CFAP54: variants seen among roughly 807,000 people sequenced by gnomAD.
The protein encoded by CFAP54 is cilia- and flagella-associated protein 54.
CFAP54 carries 290 observed loss-of-function variants against 370.4 expected under a neutral mutation model. The observed-to-expected ratio is 0.78, with a 90% CI of 0.71 to 0.86. The LOEUF (loss-of-function observed/expected upper bound fraction) is 0.86. CFAP54 is among the 40% of genes least tolerant of loss of function. The probability of loss-of-function intolerance (pLI) is 0.00; values close to 1 mark genes in which losing one functional copy is unlikely to be tolerated. For synonymous variants in CFAP54, 1,206 were observed against 1,236.5 expected, an observed-to-expected ratio of 0.98 and a Z score of 0.52; for missense variants, 3,399 against 3,528.7, an observed-to-expected ratio of 0.96 and a Z score of 0.93.
chr12:96,686,356 C>T (rs1012079689), intron 42 of CFAP54, among the ~76,000 whole-genome samples: 6 of 152,184 alleles, frequency 3.9e-5, no homozygotes, highest in African/African-American at 1.4e-4. Flanking sequence ...AGCATGTTCA[C>T]AATCTGAGGT....
Position 96,500,944 on chromosome 12 carries a change from G to C in CFAP54, c.423+5G>C. On this transcript the variant is annotated splice_donor_5th_base_variant and intron_variant, in intron 2 of 67. Coordinates refer to ENST00000524981, the MANE Select transcript of CFAP54 (RefSeq NM_001306084.2). Reference sequence around the variant, plus strand: ...GATAGCCTTTGTCAAATGAAAGTAAGTGCCTCTGCAGGAAAGAGCCAAAAA... The same window carrying C: ...GATAGCCTTTGTCAAATGAAAGTAACTGCCTCTGCAGGAAAGAGCCAAAAA... 6.6e-6 allele frequency: 10 copies of C among 1,519,428 alleles called. No individual in the cohort carries two copies. The highest frequency in any genetic ancestry group is 8.8e-6 in the Non-Finnish European group (10 of 1,132,520). The allele number at this position is 1,519,428 out of a possible 1,614,324, so 94.1% of individuals were successfully genotyped here. A position where few individuals can be genotyped will look rare whatever the true frequency, so the allele number is the denominator to read the frequency against.
At position 96,581,883 on chromosome 12, in the gene CFAP54, T is replaced by C. The variant is rs568473713; in HGVS notation, c.3075+778T>C. 5.3e-5 allele frequency among the ~76,000 whole-genome samples: 8 copies of C among 152,316 alleles called. 1 individual carries two copies. Among genetic ancestry groups the C allele is most frequent in the African/African-American group, 1.9e-4 (8 of 41,576 alleles). Reference sequence around the variant, plus strand: ...TTATGGATATATAATAGTTTGTTAGTAATTCTCCATTGCTAAACATCTAGA... The same window carrying C: ...TTATGGATATATAATAGTTTGTTAGCAATTCTCCATTGCTAAACATCTAGA... On this transcript the variant is annotated intron_variant, in intron 22 of 67. Transcript: ENST00000524981.
chr12:96,653,718 TCTAAA>T (rs139429605), intron 36 of CFAP54, among the ~76,000 whole-genome samples: 13 of 151,038 alleles, frequency 8.6e-5, no homozygotes, highest in East Asian at 5.8e-4. Flanking sequence ...GCAAATTAAA[TCTAAA>T]CTAAAGAGAA....
intron 25 of CFAP54, among the ~76,000 whole-genome samples, chr12:96,594,796 A>G (rs1169444687): frequency 2.0e-5 from 3 of 152,156 alleles, no homozygotes; most frequent in Non-Finnish European, 4.4e-5. Context: ...TCATCTGGAG[A>G]AAAACATGGT....
intron 26 of CFAP54, among the ~76,000 whole-genome samples, chr12:96,602,572 C>G (rs994166201): frequency 1.3e-5 from 2 of 151,962 alleles, no homozygotes; most frequent in Non-Finnish European, 2.9e-5. Flanking sequence ...AGTCTGCCAT[C>G]ATTATTGTGT....
Position 96,786,811 on chromosome 12 carries a change from T to C in CFAP54, c.8592T>C (p.Ser2864=). The C allele has an allele frequency of 2.6e-6, 4 of 1,535,788 alleles. No homozygotes were observed. Among genetic ancestry groups the C allele is most frequent in the Non-Finnish European group, 3.5e-6 (4 of 1,146,664 alleles). Reference sequence around the variant, plus strand: ...AATTCTTACAGCTGTATTCTTCTTCTTGTATTGATGAATTTCCAAAAGAAC... The same window carrying C: ...AATTCTTACAGCTGTATTCTTCTTCCTGTATTGATGAATTTCCAAAAGAAC... ...LKKFLQLYSS[S]CIDEFPKELL... Residue 2864 remains serine (S), a synonymous_variant, in exon 62 of 68, where the codon TCT becomes TCC. Coordinates refer to ENST00000524981, the MANE Select transcript of CFAP54 (RefSeq NM_001306084.2).
intron 60 of CFAP54, among the ~76,000 whole-genome samples, chr12:96,781,843 G>C (rs1463776999): frequency 6.6e-6 from 1 of 151,966 alleles, no homozygotes; most frequent in Non-Finnish European, 1.5e-5. Flanking sequence ...TTAAGAAAAT[G>C]GTATAAGGAA....
intron 32 of CFAP54, 119 bp from the exon 33 acceptor site, chr12:96,644,059 A>G (rs1175286184): frequency 8.6e-6 from 6 of 697,714 alleles, no homozygotes; most frequent in Non-Finnish European, 1.4e-5. Context: ...AGCCAGAAAC[A>G]TTAGCATAAG....
intron 2 of CFAP54, among the ~76,000 whole-genome samples, chr12:96,502,522 T>C (rs970680178): frequency 3.3e-5 from 5 of 152,044 alleles, no homozygotes; most frequent in Non-Finnish European, 5.9e-5. Flanking sequence ...TTTTTAAACC[T>C]AGATTTGAAT....
chr12:96,756,388 A>G (rs1246475808), intron 56 of CFAP54, 70 bp from the exon 57 acceptor site: 1 of 821,074 alleles, frequency 1.2e-6, no homozygotes, highest in African/African-American at 1.7e-5. Context: ...TTCCAGCATG[A>G]AATATTTGTT....
chr12:96,811,118 G>A (rs1472052097), intron 63 of CFAP54, among the ~76,000 whole-genome samples: 1 of 152,132 alleles, frequency 6.6e-6, no homozygotes, highest in African/African-American at 2.4e-5. Flanking sequence ...TGAAATGAAG[G>A]AATTAGACCA....
chr12:96,789,080 C>A (rs1958657150), intron 62 of CFAP54, among the ~76,000 whole-genome samples: 1 of 152,152 alleles, frequency 6.6e-6, no homozygotes, highest in Non-Finnish European at 1.5e-5. Flanking sequence ...GTAATGAGTA[C>A]CAAAGTAGAC....
chr12:96,579,953 A>G (rs1339891308), intron 20 of CFAP54, among the ~76,000 whole-genome samples: 2 of 151,794 alleles, frequency 1.3e-5, no homozygotes, highest in Non-Finnish European at 2.9e-5. Context: ...TAAATTGGAG[A>G]AAAAAATTGG....
chr12:96,671,647 C>T (rs935114548), intron 39 of CFAP54, among the ~76,000 whole-genome samples: 5 of 152,026 alleles, frequency 3.3e-5, no homozygotes, highest in Non-Finnish European at 5.9e-5. Context: ...AGAGGCCAGG[C>T]GTGGTGGCTT....
intron 60 of CFAP54, among the ~76,000 whole-genome samples, chr12:96,772,471 G>T (rs548113281): frequency 6.6e-6 from 1 of 152,056 alleles, no homozygotes; most frequent in Non-Finnish European, 1.5e-5. Context: ...TCTCTGACCC[G>T]AAACATACTC....
At chr12:96,729,220 G>A (rs1385366827) in intron 50 of CFAP54, among the ~76,000 whole-genome samples, 4 of 152,178 alleles carry the variant, frequency 2.6e-5, no homozygotes, top group Non-Finnish European at 5.9e-5. Context: ...CTGTCAGACA[G>A]GGACATTTAA....
At chr12:96,507,127 T>C (rs1565878334) in intron 4 of CFAP54, 28 bp downstream of exon 4, 1 of 1,442,476 alleles carries the variant, frequency 6.9e-7, no homozygotes, top group East Asian at 2.8e-5. Flanking sequence ...TTATTTTCCA[T>C]TGTGTCTTTC....
intron 64 of CFAP54, among the ~76,000 whole-genome samples, chr12:96,812,923 CCTCTTT>C (rs1958941561): frequency 6.6e-6 from 1 of 152,102 alleles, no homozygotes; most frequent in Admixed American, 6.6e-5. Flanking sequence ...CCACTCCTCT[CCTCTTT>C]ATTTTCATTC....
chr12:96,838,209 AG>A (rs774959585), intron 66 of CFAP54, among the ~76,000 whole-genome samples: 14 of 152,148 alleles, frequency 9.2e-5, no homozygotes, highest in Non-Finnish European at 1.5e-4. Context: ...TAGGCTCAGT[AG>A]GGTATAATTT....
Sources: gnomAD v4.1 joint callset for allele counts (sites outside exome capture counted in the v4.1 genomes callset) on GRCh38, gnomAD v4.1.1 for gene constraint, MANE v1.5 for transcripts, NCBI Gene and HGNC (gene_info 2026-07-23, HGNC 2026-07-21) for gene names.